Variants in PPP1R14C observed in about 807,000 individuals in gnomAD.
PPP1R14C encodes protein phosphatase 1 regulatory inhibitor subunit 14C.
A neutral mutation model predicts 20.4 loss-of-function variants in PPP1R14C; 16 were observed. The ratio of observed to expected loss-of-function variants is 0.78; its 90% CI spans 0.53 to 1.19. The LOEUF (loss-of-function observed/expected upper bound fraction) is 1.19. Among genes scored for constraint, PPP1R14C ranks in the 50% most tolerant of loss-of-function variants. The pLI, the probability that PPP1R14C is intolerant of heterozygous loss-of-function variation, is 0.00. For synonymous variants in PPP1R14C, 91 were observed against 91.0 expected (o/e 1.00, Z 0.00); for missense variants, 211 against 220.1 (o/e 0.96, Z 0.26).
At chr6:150,214,129 G>T (rs542757153) in intron 1 of PPP1R14C, among the ~76,000 whole-genome samples, 25 of 152,090 alleles carry the variant, frequency 1.6e-4, no homozygotes, top group Non-Finnish European at 2.5e-4. Flanking sequence ...TTCTTAGTTG[G>T]ACCACGTGTC....
At chr6:150,146,175 T>C (rs1777178120) in intron 1 of PPP1R14C, among the ~76,000 whole-genome samples, 1 of 152,208 alleles carries the variant, frequency 6.6e-6, no homozygotes, top group African/African-American at 2.4e-5. Flanking sequence ...AAAGAAGATG[T>C]TCTTTTTATC....
At chr6:150,203,689 C>G (rs1398556933) in intron 1 of PPP1R14C, among the ~76,000 whole-genome samples, 7 of 117,378 alleles carry the variant, frequency 6.0e-5, no homozygotes, top group Admixed American at 5.4e-4. Context: ...GAACCGTCTT[C>G]TCTCCAAGAA....
intron 1 of PPP1R14C, among the ~76,000 whole-genome samples, chr6:150,171,067 A>G (rs1777493733): frequency 1.3e-5 from 2 of 152,068 alleles, no homozygotes; most frequent in African/African-American, 4.8e-5. Context: ...GGAGCGGTAC[A>G]TTGGTCACAA....
chr6:150,168,519 C>G (rs966553390), intron 1 of PPP1R14C, among the ~76,000 whole-genome samples: 1 of 104,236 alleles, frequency 9.6e-6, no homozygotes, highest in Non-Finnish European at 2.2e-5. Context: ...GGCGAAAGAG[C>G]GAGACTCCCG....
chr6:150,199,408 T>C (rs1414854558), intron 1 of PPP1R14C, among the ~76,000 whole-genome samples: 1 of 152,144 alleles, frequency 6.6e-6, no homozygotes, highest in South Asian at 2.1e-4. Context: ...AAGGCCCCTG[T>C]GAAAGAGGCT....
At chr6:150,179,192 G>T (rs902498034) in intron 1 of PPP1R14C, among the ~76,000 whole-genome samples, 4 of 152,100 alleles carry the variant, frequency 2.6e-5, no homozygotes, top group African/African-American at 9.7e-5. Flanking sequence ...CGCTGCTTGA[G>T]CCCAGGAGTT....
intron 3 of PPP1R14C, among the ~76,000 whole-genome samples, chr6:150,219,917 G>A (rs147220148): frequency 3.9e-5 from 6 of 151,994 alleles, no homozygotes; most frequent in African/African-American, 7.2e-5. Flanking sequence ...GTGCAGTGGC[G>A]CCATGTAGGC....
chr6:150,231,075 G>A (rs527678783), intron 3 of PPP1R14C, among the ~76,000 whole-genome samples: 1 of 152,218 alleles, frequency 6.6e-6, no homozygotes, highest in Admixed American at 6.5e-5. Flanking sequence ...ACTAGTGCAG[G>A]GCGCAGAGCT....
intron 1 of PPP1R14C, among the ~76,000 whole-genome samples, chr6:150,179,500 A>G (rs11755697): frequency 0.13 from 20,455 of 151,632 alleles, 1,938 homozygotes; most frequent in African/African-American, 0.28. Flanking sequence ...GCCCAGGTGT[A>G]GAGAGTCCAG....
chr6:150,177,196 G>A (rs4870359), intron 1 of PPP1R14C, among the ~76,000 whole-genome samples: 17,473 of 152,192 alleles, frequency 0.11, 1,504 homozygotes, highest in East Asian at 0.48. Context: ...TCCCTGCACC[G>A]TGTGGCCATT....
chr6:150,215,206 G>T (rs1352621221), intron 2 of PPP1R14C, among the ~76,000 whole-genome samples: 1 of 152,194 alleles, frequency 6.6e-6, no homozygotes, highest in Non-Finnish European at 1.5e-5. Context: ...TAGAGCTCTG[G>T]TCTCACAGTT....
At chr6:150,147,589 A>G (rs1398007609) in intron 1 of PPP1R14C, among the ~76,000 whole-genome samples, 1 of 152,218 alleles carries the variant, frequency 6.6e-6, no homozygotes, top group Non-Finnish European at 1.5e-5. Context: ...TTTGCCCAGC[A>G]TCAAGATAAC....
rs140067698 is a variant in PPP1R14C at position 150,228,815 on chromosome 6, A to G, written c.423+11959A>G. ...GAAGCAGGATGACCATGAGATGGTG[A>G]TGATAACAATAATAATAATAGTGAT... On this transcript the variant is annotated intron_variant, in intron 3 of 3. Coordinates refer to ENST00000361131, the MANE Select transcript of PPP1R14C (RefSeq NM_030949.3). 1.0e-3 allele frequency among the ~76,000 whole-genome samples: 157 copies of G among 152,306 alleles called. 1 individual carries two copies. Among genetic ancestry groups the G allele is most frequent in the African/African-American group, 3.6e-3 (148 of 41,570 alleles).
At chr6:150,205,437 C>A (rs55749434) in intron 1 of PPP1R14C, among the ~76,000 whole-genome samples, 13,164 of 152,076 alleles carry the variant, frequency 0.087, 1,209 homozygotes, top group African/African-American at 0.23. Flanking sequence ...AATGGCTCAC[C>A]CAACTACAGT....
intron 1 of PPP1R14C, among the ~76,000 whole-genome samples, chr6:150,187,657 G>T (rs2114884515): frequency 6.6e-6 from 1 of 152,208 alleles, no homozygotes; most frequent in East Asian, 1.9e-4. Context: ...AGTATTCTAT[G>T]GTGTATATGT....
intron 3 of PPP1R14C, among the ~76,000 whole-genome samples, chr6:150,239,424 A>G (rs753419684): frequency 6.6e-6 from 1 of 152,256 alleles, no homozygotes; most frequent in African/African-American, 2.4e-5. Context: ...TAACAGAAAG[A>G]TTATCTGGAA....
chr6:150,174,294 A>C (rs1777533101), intron 1 of PPP1R14C, among the ~76,000 whole-genome samples: 1 of 152,088 alleles, frequency 6.6e-6, no homozygotes. Context: ...ATCTCGGCTC[A>C]CTGCAAGCTC....
chr6:150,198,175 G>A (rs1364383476), intron 1 of PPP1R14C, among the ~76,000 whole-genome samples: 52 of 147,542 alleles, frequency 3.5e-4, no homozygotes, highest in African/African-American at 1.3e-3. Context: ...AGGAGGGCCT[G>A]GATGCCCGGC....
intron 1 of PPP1R14C, among the ~76,000 whole-genome samples, chr6:150,151,043 G>A (rs1249183754): frequency 1.3e-5 from 2 of 151,418 alleles, no homozygotes; most frequent in Non-Finnish European, 2.9e-5. Flanking sequence ...TGTTTGTTTT[G>A]TTTTGTTTTT....
Sources: allele counts gnomAD v4.1 joint callset (sites outside exome capture counted in the v4.1 genomes callset), GRCh38; gene constraint gnomAD v4.1.1; transcripts MANE v1.5; gene names NCBI Gene and HGNC (gene_info 2026-07-23, HGNC 2026-07-21).